TRAPPC9: variants seen among roughly 807,000 people sequenced by gnomAD.
TRAPPC9 encodes the protein IKK2 binding protein.
TRAPPC9 carries 83 observed loss-of-function variants against 124.0 expected under a neutral mutation model. The observed-to-expected ratio is 0.67, with a 90% CI of 0.56 to 0.80. TRAPPC9 has a LOEUF of 0.80. TRAPPC9 is among the 30% of genes least tolerant of loss of function. The pLI is 0.00. For missense variants in TRAPPC9, 1,302 were observed against 1,508.3 expected (o/e 0.86, Z 2.27); for synonymous variants, 638 against 617.5 (o/e 1.03, Z -0.49).
chr8:140,029,189 T>C (rs760065143), intron 17 of TRAPPC9, among the ~76,000 whole-genome samples: 4 of 152,190 alleles, frequency 2.6e-5, no homozygotes, highest in African/African-American at 4.8e-5. Context: ...CTCATGCCAA[T>C]TGAAGACAAA....
At position 140,139,919 on chromosome 8, in the gene TRAPPC9, A is replaced by G. The variant is rs566882631; in HGVS notation, c.2556+81540T>C. ...CTGTATGTCACCTTATGATGTGTGC[A>G]TTTTTCTGAGTTTATGCTTTAATTC... On this transcript the variant is annotated intron_variant, in intron 17 of 22. Coordinates refer to ENST00000438773, the MANE Select transcript of TRAPPC9 (RefSeq NM_001160372.4). 2.6e-5 allele frequency among the ~76,000 whole-genome samples: 4 copies of G among 152,242 alleles called. No homozygotes were observed. The East Asian group carries it at 7.7e-4, about 29-fold the overall frequency.
chr8:139,815,115 C>CT (rs1171786017), intron 21 of TRAPPC9, among the ~76,000 whole-genome samples: 3 of 152,194 alleles, frequency 2.0e-5, no homozygotes, highest in African/African-American at 7.2e-5. Flanking sequence ...AGTGGACAGT[C>CT]TGTTTTAGAC....
rs1263457785 is a variant in TRAPPC9, at chr8:139,825,239, A to G, written c.3055+60640T>C. 6.6e-6 allele frequency among the ~76,000 whole-genome samples: 1 copy of G among 152,188 alleles called. No individual in the cohort carries two copies. Among genetic ancestry groups the G allele is most frequent in the African/African-American group, 2.4e-5 (1 of 41,450 alleles). ...GGCAGCCCACGCAGGGTGGGCAGAG[A>G]AACGGCTCCTGTCTTTCAGGGAACT... On this transcript the variant is annotated intron_variant, in intron 21 of 22. Coordinates refer to ENST00000438773, the MANE Select transcript of TRAPPC9 (RefSeq NM_001160372.4). The surrounding 1 kb of genome is among the most constrained non-coding windows in gnomAD (Gnocchi z 4.6).
chr8:140,068,417 C>A (rs910116142), intron 17 of TRAPPC9, among the ~76,000 whole-genome samples: 1 of 152,082 alleles, frequency 6.6e-6, no homozygotes, highest in African/African-American at 2.4e-5. Flanking sequence ...ACAGTCACCT[C>A]GCATCAGGGC....
At chr8:139,949,042 C>T (rs901104651) in intron 19 of TRAPPC9, among the ~76,000 whole-genome samples, 5 of 151,764 alleles carry the variant, frequency 3.3e-5, no homozygotes, top group African/African-American at 7.3e-5. Context: ...CACTGTACTC[C>T]GGCCTGGGAG....
At chr8:139,754,036 G>A (rs184498125) in intron 21 of TRAPPC9, among the ~76,000 whole-genome samples, 6 of 152,150 alleles carry the variant, frequency 3.9e-5, no homozygotes, top group Non-Finnish European at 7.4e-5. Flanking sequence ...AATCTTGAAC[G>A]GACAAGTGCA....
intron 19 of TRAPPC9, among the ~76,000 whole-genome samples, chr8:139,968,010 G>A (rs186297056): frequency 1.8e-3 from 269 of 151,748 alleles, no homozygotes; most frequent in African/African-American, 6.1e-3. Context: ...GCATGGTGGC[G>A]TGCACCTGTA....
At chr8:139,898,836 C>A (rs1830830411) in intron 20 of TRAPPC9, among the ~76,000 whole-genome samples, 1 of 152,072 alleles carries the variant, frequency 6.6e-6, no homozygotes, top group Non-Finnish European at 1.5e-5. Flanking sequence ...AAAACAGAAA[C>A]AGGCCGGGTG....
At chr8:139,829,858 T>C (rs1825860418) in intron 21 of TRAPPC9, among the ~76,000 whole-genome samples, 1 of 152,198 alleles carries the variant, frequency 6.6e-6, no homozygotes, top group Non-Finnish European at 1.5e-5. Context: ...CAGAGGTCAA[T>C]GGCTGGCCAA....
rs1320184760 is a variant in TRAPPC9 at position 139,776,315 on chromosome 8, G to C, written c.3056-44113C>G. On this transcript the variant is annotated intron_variant, in intron 21 of 22. Transcript: ENST00000438773. The surrounding 1 kb of genome is among the most constrained non-coding windows in gnomAD (Gnocchi z 4.1). ...GGCAAAGCCAACAGGCCCAAACAGG[G>C]GACGTCAGCTGCTATGTGACGTCAT... is the stretch of plus-strand genomic sequence containing the variant. Among the ~76,000 whole-genome samples the C allele has an allele frequency of 6.6e-6, 1 of 152,168 alleles. No individual in the cohort carries two copies. Among genetic ancestry groups the C allele is most frequent in the East Asian group, 1.9e-4 (1 of 5,188 alleles).
chr8:139,854,446 C>CGTGTCT (rs1171132153), intron 21 of TRAPPC9, among the ~76,000 whole-genome samples: 3 of 152,250 alleles, frequency 2.0e-5, no homozygotes, highest in African/African-American at 7.2e-5. Context: ...CCTTGGTGTC[C>CGTGTCT]GTGTCTGTGC....
intron 15 of TRAPPC9, among the ~76,000 whole-genome samples, chr8:140,264,009 A>C (rs1343248862): frequency 2.0e-5 from 3 of 152,186 alleles, no homozygotes; most frequent in Non-Finnish European, 4.4e-5. Flanking sequence ...CTCTATGACA[A>C]TACCAAGAAG....
At chr8:139,927,618 G>A (rs1384980707) in intron 19 of TRAPPC9, among the ~76,000 whole-genome samples, 2 of 152,264 alleles carry the variant, frequency 1.3e-5, no homozygotes, top group East Asian at 1.9e-4. Flanking sequence ...TATTCACCAA[G>A]AGCAATGAAA....
chr8:140,002,817 G>A (rs1445497473), intron 18 of TRAPPC9, among the ~76,000 whole-genome samples: 1 of 117,948 alleles, frequency 8.5e-6, no homozygotes, highest in African/African-American at 3.3e-5. Context: ...TCAACAAATA[G>A]TGTTGGGACA....
intron 1 of TRAPPC9, among the ~76,000 whole-genome samples, chr8:140,452,419 C>CAAAAAAAAAAAA (rs1161960216): frequency 4.9e-5 from 2 of 40,448 alleles, no homozygotes; most frequent in African/African-American, 8.6e-5. Context: ...GACTGCATCT[C>CAAAAAAAAAAAA]AAAAAAAAAA....
chr8:140,181,606 T>C (rs778526613), intron 17 of TRAPPC9, among the ~76,000 whole-genome samples: 2 of 152,184 alleles, frequency 1.3e-5, no homozygotes, highest in Non-Finnish European at 2.9e-5. Context: ...TATATATTTT[T>C]TATTTTAGAA....
chr8:140,368,841 A>G, intron 8 of TRAPPC9, among the ~76,000 whole-genome samples: 1 of 152,156 alleles, frequency 6.6e-6, no homozygotes, highest in South Asian at 2.1e-4. Flanking sequence ...TCAGCCCAAG[A>G]GTTTGAGGCC....
At chr8:140,107,916 G>A (rs1339884797) in intron 17 of TRAPPC9, among the ~76,000 whole-genome samples, 2 of 151,368 alleles carry the variant, frequency 1.3e-5, no homozygotes, top group Non-Finnish European at 2.9e-5. Flanking sequence ...TTTAGGCTAG[G>A]AAGAGCAAGT....
At chr8:140,053,113 C>T (rs1391035358) in intron 17 of TRAPPC9, among the ~76,000 whole-genome samples, 1 of 152,188 alleles carries the variant, frequency 6.6e-6, no homozygotes, top group Non-Finnish European at 1.5e-5. Flanking sequence ...GAAAAGTCAC[C>T]ATTTGGCAAA....
Sources: allele counts gnomAD v4.1 joint callset (sites outside exome capture counted in the v4.1 genomes callset), GRCh38; gene constraint gnomAD v4.1.1; non-coding constraint Gnocchi (gnomAD v3.1); transcripts MANE v1.5; gene names NCBI Gene and HGNC (gene_info 2026-07-23, HGNC 2026-07-21).